Variants in ITK observed in about 807,000 individuals in gnomAD.
ITK encodes the protein tyrosine-protein kinase ITK/TSK.
ITK carries 45 observed loss-of-function variants against 87.6 expected under a neutral mutation model. The observed-to-expected ratio is 0.51, with a 90% CI of 0.40 to 0.66. The LOEUF (loss-of-function observed/expected upper bound fraction) is 0.66, where lower values mean the gene tolerates loss of function less well. ITK is among the 30% of genes least tolerant of loss of function. The pLI is 0.00. For synonymous variants in ITK, 303 were observed against 273.6 expected (o/e 1.11, Z -1.06); for missense variants, 605 against 766.3 (o/e 0.79, Z 2.48).
chr5:157,181,236 CA>C (rs1337352615), intron 1 of ITK, 121 bp downstream of exon 1: 15 of 1,086,374 alleles, frequency 1.4e-5, no homozygotes, highest in Non-Finnish European at 2.0e-5. Context: ...CTTATTGTAA[CA>C]ACATAAAAAG....
Position 157,241,664 on chromosome 5 carries a change from G to A in ITK, c.1004G>A (p.Arg335Gln), listed in dbSNP as rs546493307. Residue 335 changes from arginine to glutamine, a missense_variant, in exon 11 of 17, where the codon CGG becomes CAG. Physicochemically the swap from Arg to Gln is conservative, Grantham distance 43. Around this residue, in one of 3 missense-constraint regions of ITK, gnomAD observed 464 missense variants for 578.0 expected, o/e 0.80. Coordinates refer to ENST00000422843, the MANE Select transcript of ITK (RefSeq NM_005546.4). ...AACCCAGGCCTGGTGACTCGACTCC[G>A]GTATCCAGTTTGTTTTGGGAGGCAG... is the stretch of plus-strand genomic sequence containing the variant. ...HNGGGLVTRL[R>Q]YPVCFGRQKA... 2.2e-5 allele frequency: 36 copies of A among 1,613,840 alleles called. No individual in the cohort carries two copies. In the Admixed American group the frequency reaches 2.7e-4, roughly 12 times the overall value.
intron 16 of ITK, among the ~76,000 whole-genome samples, chr5:157,249,822 G>A (rs1405671366): frequency 6.6e-6 from 1 of 152,160 alleles, no homozygotes; most frequent in Admixed American, 6.5e-5. Flanking sequence ...GAGACATAAA[G>A]GAGGGCATAA....
chr5:157,239,244 G>A (rs1205877302), intron 9 of ITK, among the ~76,000 whole-genome samples: 1 of 152,198 alleles, frequency 6.6e-6, no homozygotes, highest in African/African-American at 2.4e-5. Context: ...GTGATACAAA[G>A]CAAAATCAGC....
In ITK at chr5:157,217,895, T is replaced by TCAG; in HGVS notation, c.483_484insCAG (p.Pro161_Glu162insGln). 2 of 1,614,008 alleles carry TCAG rather than the reference T, an allele frequency of 1.2e-6. No homozygotes were observed. The highest frequency in any genetic ancestry group is 1.7e-6 in the Non-Finnish European group (2 of 1,179,862). On this transcript the variant is annotated inframe_insertion, in exon 5 of 17. Coordinates refer to ENST00000422843, the MANE Select transcript of ITK (RefSeq NM_005546.4). ...CAAAGAAGCCTCTTCCTCCTACTCC[T>TCAG]GAAGACAACAGGGTGAGTGAGAGCG... is the stretch of plus-strand genomic sequence containing the variant.
At chr5:157,231,520 T>C (rs757433998) in intron 7 of ITK, among the ~76,000 whole-genome samples, 21 of 152,218 alleles carry the variant, frequency 1.4e-4, no homozygotes, top group Non-Finnish European at 2.2e-4. Flanking sequence ...TGAATTCCTT[T>C]AGTCATGGCT....
chr5:157,227,730 A>G (rs890837625), intron 6 of ITK, among the ~76,000 whole-genome samples: 5 of 152,008 alleles, frequency 3.3e-5, no homozygotes, highest in Non-Finnish European at 5.9e-5. Context: ...TTTTAAGTAA[A>G]ATCGCCACTT....
At position 157,240,083 on chromosome 5, in the gene ITK, G is replaced by A. The variant is rs1580905431; in HGVS notation, c.873G>A (p.Lys291=). 6 of 1,611,584 alleles carry A rather than the reference G, an allele frequency of 3.7e-6. No individual in the cohort carries two copies. The highest frequency in any genetic ancestry group is 2.2e-5 in the East Asian group (1 of 44,856). The part of the protein sequence containing the change: ...AVVSENNPCI[K]HYHIKETNDN... ...TAAGTGAGAACAATCCCTGTATAAA[G>A]CATTATCACATCAAGGAAACAAATG... The change falls in exon 10 of 17, where the codon AAG becomes AAA. Residue 291 remains lysine (K), a synonymous_variant. Transcript: ENST00000422843.
chr5:157,187,609 G>A (rs1380605569), intron 1 of ITK, among the ~76,000 whole-genome samples: 2 of 152,140 alleles, frequency 1.3e-5, no homozygotes, highest in Non-Finnish European at 2.9e-5. Flanking sequence ...CAAGGAAGAG[G>A]AAGATTCAGA....
chr5:157,209,018 C>G, intron 2 of ITK, 25 bp downstream of exon 2: 1 of 1,448,866 alleles, frequency 6.9e-7, no homozygotes, highest in African/African-American at 1.4e-5. Context: ...TGGGTAGTTC[C>G]CCATTCCCTG....
At chr5:157,235,448 T>C (rs1242176684) in intron 8 of ITK, among the ~76,000 whole-genome samples, 1 of 152,216 alleles carries the variant, frequency 6.6e-6, no homozygotes, top group Non-Finnish European at 1.5e-5. Flanking sequence ...TTATTATCAG[T>C]ATTATTACTT....
intron 1 of ITK, among the ~76,000 whole-genome samples, chr5:157,181,460 T>C (rs1462656573): frequency 6.6e-6 from 1 of 152,180 alleles, no homozygotes; most frequent in African/African-American, 2.4e-5. Context: ...ATACTAAATT[T>C]AATGAAACAT....
chr5:157,249,866 CAAT>C (rs1755106965), intron 16 of ITK, among the ~76,000 whole-genome samples: 1 of 152,162 alleles, frequency 6.6e-6, no homozygotes, highest in African/African-American at 2.4e-5. Flanking sequence ...GGATTAGCTA[CAAT>C]AATAATAATG....
chr5:157,202,982 G>A (rs750977842), intron 1 of ITK, among the ~76,000 whole-genome samples: 5 of 152,168 alleles, frequency 3.3e-5, no homozygotes, highest in African/African-American at 7.2e-5. Flanking sequence ...GACTTACCCA[G>A]TATTTTTCTA....
intron 2 of ITK, among the ~76,000 whole-genome samples, chr5:157,210,536 T>G (rs1422957979): frequency 6.6e-6 from 1 of 151,820 alleles, no homozygotes; most frequent in Non-Finnish European, 1.5e-5. Context: ...TCTTGGTTTT[T>G]TTTTTTTTTA....
At chr5:157,194,381 C>T (rs146505831) in intron 1 of ITK, among the ~76,000 whole-genome samples, 228 of 152,236 alleles carry the variant, frequency 1.5e-3, no homozygotes, top group African/African-American at 5.2e-3. Context: ...ATGCTGTATC[C>T]GCCTCAGCAC....
At chr5:157,246,625 G>C (rs1188596046) in intron 15 of ITK, among the ~76,000 whole-genome samples, 5 of 152,122 alleles carry the variant, frequency 3.3e-5, no homozygotes. Flanking sequence ...ACAGTAATGG[G>C]GCAGAGTGAC....
chr5:157,215,878 G>T (rs1257036319), intron 4 of ITK, among the ~76,000 whole-genome samples: 1 of 152,044 alleles, frequency 6.6e-6, no homozygotes, highest in Non-Finnish European at 1.5e-5. Flanking sequence ...ATTCCTCTTC[G>T]GGGCGCAAGT....
chr5:157,254,873 G>T lies in ITK; in HGVS notation c.*2195G>T. ...ACATGTGTACATTCTTCACCTCCTGGTGCCCTATCCCGCAAAATGGGCTTC... is the reference window on the plus strand; with the variant it reads ...ACATGTGTACATTCTTCACCTCCTGTTGCCCTATCCCGCAAAATGGGCTTC... On this transcript the variant is annotated 3_prime_UTR_variant, in exon 17 of 17. Coordinates refer to ENST00000422843, the MANE Select transcript of ITK (RefSeq NM_005546.4). The T allele has an allele frequency of 4.6e-6, 1 of 216,386 alleles. No homozygotes were observed. The highest frequency in any genetic ancestry group is 1.9e-4 in the South Asian group (1 of 5,362). The allele number at this position is 216,386 out of a possible 1,614,324, so 13.4% of individuals were successfully genotyped here. A position where few individuals can be genotyped will look rare whatever the true frequency, so the allele number is the denominator to read the frequency against.
Position 157,253,624 on chromosome 5 carries a change from C to G in ITK, c.*946C>G, listed in dbSNP as rs374234141. The G allele has an allele frequency of 2.6e-5, 6 of 228,046 alleles. No homozygotes were observed. The highest frequency in any genetic ancestry group is 1.2e-4 in the East Asian group (2 of 16,012). The allele number at this position is 228,046 out of a possible 1,614,324, so 14.1% of individuals were successfully genotyped here. ...TCCAGCCTCTGGGAATCAGCCCCCCCTCTCTGCACTATCCGATCCTCATCA... is the reference window on the plus strand; with the variant it reads ...TCCAGCCTCTGGGAATCAGCCCCCCGTCTCTGCACTATCCGATCCTCATCA... On this transcript the variant is annotated 3_prime_UTR_variant, in exon 17 of 17. Transcript: ENST00000422843.
Sources: allele counts gnomAD v4.1 joint callset (sites outside exome capture counted in the v4.1 genomes callset), GRCh38; gene constraint gnomAD v4.1.1; regional missense constraint gnomAD v4.1.1; transcripts MANE v1.5; gene names NCBI Gene and HGNC (gene_info 2026-07-23, HGNC 2026-07-21).